The following ZNF500 variants were observed in gnomAD, a reference collection of about 807,000 sequenced individuals.
The protein encoded by ZNF500 is zinc finger protein 500, also known as zinc finger protein with KRAB and SCAN domains 18.
In ZNF500, 31 loss-of-function variants were observed where a neutral mutation model predicts 30.1. The ratio of observed to expected loss-of-function variants is 1.03; its 90% CI spans 0.77 to 1.39. The LOEUF (loss-of-function observed/expected upper bound fraction) is 1.39. Among genes scored for constraint, ZNF500 ranks in the 40% most tolerant of loss-of-function variants. The pLI, the probability that ZNF500 is intolerant of heterozygous loss-of-function variation, is 0.00. For missense variants in ZNF500, 817 were observed against 657.8 expected, an observed-to-expected ratio of 1.24 and a Z score of -2.65; for synonymous variants, 392 against 282.0, an observed-to-expected ratio of 1.39 and a Z score of -3.91.
chr16:4,745,568 G>A (rs183051651), downstream of ZNF500, among the ~76,000 whole-genome samples: 9 of 152,334 alleles, frequency 5.9e-5, no homozygotes, highest in Admixed American at 6.5e-5. Context: ...TGGTTGCTCC[G>A]CACTTGAGGA....
In ZNF500 at chr16:4,765,715, C is replaced by G; in HGVS notation, c.264G>C (p.Gln88His). 3 of 1,613,568 alleles carry G rather than the reference C, an allele frequency of 1.9e-6. No individual in the cohort carries two copies. The South Asian group carries it at 3.3e-5, about 18-fold the overall frequency. ...GCTCCAGCACCAGCAGCTCCAGGAT[C>G]TGCTCCTTGGTGCGCAGCTCCGGCC... ...WLRPELRTKEQILELLVLEQF... is the reference protein window; with the variant it reads ...WLRPELRTKEHILELLVLEQF... The change falls in exon 2 of 6, where the codon CAG (glutamine) becomes CAC (histidine). Residue 88 changes from glutamine (Q) to histidine (H), a missense_variant. Transcript: ENST00000219478.
downstream of ZNF500, among the ~76,000 whole-genome samples, chr16:4,745,191 C>G (rs2081998978): frequency 1.3e-5 from 2 of 152,178 alleles, no homozygotes; most frequent in African/African-American, 2.4e-5. Context: ...AACCAAGGCT[C>G]AGAGAGGTTG....
chr16:4,746,833 G>A, downstream of ZNF500: 1 of 1,200,680 alleles, frequency 8.3e-7, no homozygotes, highest in Non-Finnish European at 1.1e-6. Context: ...TCTTGCATTG[G>A]GTCACCAGCA....
chr16:4,751,769 A>G lies in ZNF500; in HGVS notation c.*607T>C, dbSNP rs2082080255. On this transcript the variant is annotated 3_prime_UTR_variant, in exon 6 of 6. Coordinates refer to ENST00000219478, the MANE Select transcript of ZNF500 (RefSeq NM_021646.4). ...GGCCCTACCAAAAAAGAGACTGGGC[A>G]TGGCGGCACACACCTGTAACCCCAG... 2.3e-6 allele frequency: 2 copies of G among 858,612 alleles called. No homozygotes were observed. Among genetic ancestry groups the G allele is most frequent in the African/African-American group, 1.7e-5 (1 of 59,772 alleles). 53.2% of individuals were successfully genotyped at this position (858,612 alleles called of 1,614,324 possible). A position where few individuals can be genotyped will look rare whatever the true frequency, so the allele number is the denominator to read the frequency against.
downstream of ZNF500, chr16:4,747,660 G>A (rs1258720793): frequency 6.4e-7 from 1 of 1,571,668 alleles, no homozygotes; most frequent in Admixed American, 1.8e-5. Flanking sequence ...GAGTGGGCAG[G>A]GGCGGGCTGA....
chr16:4,757,625 C>A (rs182506735), intron 5 of ZNF500, among the ~76,000 whole-genome samples: 6 of 151,318 alleles, frequency 4.0e-5, no homozygotes, highest in Non-Finnish European at 4.4e-5. Flanking sequence ...TTTTTGGAAA[C>A]GGAGTCTTGC....
At chr16:4,753,608 G>C (rs2082107477) in intron 5 of ZNF500, among the ~76,000 whole-genome samples, 1 of 152,210 alleles carries the variant, frequency 6.6e-6, no homozygotes, top group Non-Finnish European at 1.5e-5. Flanking sequence ...GAATCACCGG[G>C]CTGCTAAGTT....
downstream of ZNF500, chr16:4,747,007 C>T (rs202220210): frequency 3.3e-6 from 5 of 1,535,244 alleles, no homozygotes; most frequent in Admixed American, 9.4e-5. Context: ...GGGGCATCTC[C>T]TTCCTCCCTG....
In ZNF500 at chr16:4,762,562, G is replaced by A; in HGVS notation, c.598+11C>T. ...CACCACTTCTCATTCCTCCAAAGGGGTGCTACTCACCTCTCTCTGGCCACA... is the reference window on the plus strand; with the variant it reads ...CACCACTTCTCATTCCTCCAAAGGGATGCTACTCACCTCTCTCTGGCCACA... On this transcript the variant is annotated intron_variant, in intron 3 of 5. Coordinates refer to ENST00000219478, the MANE Select transcript of ZNF500 (RefSeq NM_021646.4). The A allele has an allele frequency of 3.1e-6, 5 of 1,606,766 alleles. No homozygotes were observed.
chr16:4,757,488 C>T (rs2082148584), intron 5 of ZNF500, among the ~76,000 whole-genome samples: 1 of 151,998 alleles, frequency 6.6e-6, no homozygotes, highest in South Asian at 2.1e-4. Context: ...TTTGTAGAGA[C>T]AAGGCTTCTC....
At chr16:4,747,098 C>T, downstream of ZNF500, 1 of 1,398,102 alleles carries the variant, frequency 7.2e-7, no homozygotes, top group Non-Finnish European at 9.6e-7. Flanking sequence ...CTCCACCTGG[C>T]ACATTTACCG....
chr16:4,752,273 G>C lies in ZNF500; in HGVS notation c.*103C>G. 7.0e-7 allele frequency: 1 copy of C among 1,430,092 alleles called. No homozygotes were observed. Among genetic ancestry groups the C allele is most frequent in the Non-Finnish European group, 9.1e-7 (1 of 1,097,424 alleles). 88.6% of individuals were successfully genotyped at this position (1,430,092 alleles called of 1,614,324 possible). A position where few individuals can be genotyped will look rare whatever the true frequency, so the allele number is the denominator to read the frequency against. ...CTGGCCTCATACTGGGCCATGGGAG[G>C]AAACGGGCAGCTGGCAATGCTTTCG... On this transcript the variant is annotated 3_prime_UTR_variant, in exon 6 of 6. Coordinates refer to ENST00000219478, the MANE Select transcript of ZNF500 (RefSeq NM_021646.4).
In ZNF500 at chr16:4,765,699, C is replaced by A. The variant is rs528551389; in HGVS notation, c.280G>T (p.Val94Leu). The A allele has an allele frequency of 6.2e-7, 1 of 1,613,210 alleles. No homozygotes were observed. The highest frequency in any genetic ancestry group is 2.2e-5 in the East Asian group (1 of 44,866). Residue 94 changes from valine to leucine, a missense_variant, in exon 2 of 6, where the codon GTG becomes TTG. Val to Leu is a conservative substitution (Grantham distance 32). Transcript: ENST00000219478. Reference protein sequence around the residue: ...RTKEQILELLVLEQFLTVLPG... With the variant: ...RTKEQILELLLLEQFLTVLPG... ...AGCACAGTCAGGAACTGCTCCAGCA[C>A]CAGCAGCTCCAGGATCTGCTCCTTG...
At chr16:4,757,431 G>C (rs2082147388) in intron 5 of ZNF500, among the ~76,000 whole-genome samples, 1 of 151,886 alleles carries the variant, frequency 6.6e-6, no homozygotes, top group Admixed American at 6.6e-5. Context: ...TCCCACCTCA[G>C]CCTCTCAAGC....
At chr16:4,754,205 C>A (rs898480931) in intron 5 of ZNF500, among the ~76,000 whole-genome samples, 1 of 152,170 alleles carries the variant, frequency 6.6e-6, no homozygotes, top group South Asian at 2.1e-4. Flanking sequence ...AGGGGAGGGA[C>A]AGAACCACCC....
At chr16:4,745,936 G>C (rs1405888218), downstream of ZNF500, among the ~76,000 whole-genome samples, 2 of 134,946 alleles carry the variant, frequency 1.5e-5, no homozygotes, top group African/African-American at 2.7e-5. Context: ...CTGGGCGACA[G>C]AGCAAGACTC....
chr16:4,752,701 C>T lies in ZNF500; in HGVS notation c.1118G>A (p.Arg373Lys), dbSNP rs1217457869. 6.2e-7 allele frequency: 1 copy of T among 1,614,142 alleles called. No homozygotes were observed. The highest frequency in any genetic ancestry group is 1.1e-5 in the South Asian group (1 of 91,078). Residue 373 changes from arginine (R) to lysine (K), a missense_variant, in exon 6 of 6, where the codon AGG becomes AAG. Coordinates refer to ENST00000219478, the MANE Select transcript of ZNF500 (RefSeq NM_021646.4). ...SDRSNFSTHQ[R>K]VHTGEKPYPC... ...GTAGGGCTTCTCGCCTGTGTGCACC[C>T]TCTGGTGCGTGCTGAAGTTGGAGCG...
At chr16:4,762,248 C>T (rs1403743406) in intron 4 of ZNF500, 23 bp downstream of exon 4, 5 of 1,608,632 alleles carry the variant, frequency 3.1e-6, no homozygotes, top group Non-Finnish European at 4.2e-6. Context: ...CAGGATGCTG[C>T]AGACCAGGAG....
At position 4,751,561 on chromosome 16, in the gene ZNF500, T is replaced by G. The variant is rs1390934577; in HGVS notation, c.*815A>C. On this transcript the variant is annotated 3_prime_UTR_variant, in exon 6 of 6. Transcript: ENST00000219478. The stretch of plus-strand genomic sequence containing the variant: ...GGAAACTCTGGCAGGATGAAGAAGC[T>G]GGAGACCACGTCCTGGGAAGGCTGG... 2 of 1,532,036 alleles carry G rather than the reference T, an allele frequency of 1.3e-6. No homozygotes were observed. Among genetic ancestry groups the G allele is most frequent in the East Asian group, 4.9e-5 (2 of 40,908 alleles). 94.9% of individuals were successfully genotyped at this position (1,532,036 alleles called of 1,614,324 possible). A position where few individuals can be genotyped will look rare whatever the true frequency, so the allele number is the denominator to read the frequency against.
Sources: gnomAD v4.1 joint callset for allele counts (sites outside exome capture counted in the v4.1 genomes callset) on GRCh38, gnomAD v4.1.1 for gene constraint, MANE v1.5 for transcripts, NCBI Gene and HGNC (gene_info 2026-07-23, HGNC 2026-07-21) for gene names.